Variants in VPS45 observed in about 807,000 individuals in gnomAD.
VPS45 encodes the protein vacuolar protein sorting-associated protein 45.
Under a neutral mutation model 75.9 loss-of-function variants are expected in VPS45, and 35 were observed. That is an observed-to-expected ratio of 0.46 (90% CI 0.35 to 0.61). The LOEUF (loss-of-function observed/expected upper bound fraction) is 0.61, where lower values mean the gene tolerates loss of function less well. Ranked by LOEUF, VPS45 falls within the 20% of genes least tolerant of loss-of-function variation. The probability of loss-of-function intolerance (pLI) is 0.00; values close to 1 mark genes in which losing one functional copy is unlikely to be tolerated. For missense variants in VPS45, 559 were observed against 685.9 expected (o/e 0.81, Z 2.07); for synonymous variants, 220 against 238.2 (o/e 0.92, Z 0.70).
At chr1:150,089,136 A>G (rs1656184980) in intron 10 of VPS45, among the ~76,000 whole-genome samples, 1 of 152,230 alleles carries the variant, frequency 6.6e-6, no homozygotes, top group South Asian at 2.1e-4. Flanking sequence ...AGAAAAGGGC[A>G]GAGACTGATT....
chr1:150,081,557 AG>A, intron 8 of VPS45, 81 bp downstream of exon 8: 2 of 1,474,250 alleles, frequency 1.4e-6, no homozygotes, highest in Non-Finnish European at 1.8e-6. Context: ...GTATAGGGGC[AG>A]GCATGGGATT....
At chr1:150,076,789 A>T (rs782280828) in intron 4 of VPS45, 127 bp from the exon 5 acceptor site, 147 of 950,620 alleles carry the variant, frequency 1.5e-4, no homozygotes, top group Non-Finnish European at 2.1e-4. Context: ...TAATTGAACA[A>T]TTTAGTATCT....
At chr1:150,092,943 C>T (rs1014903671) in intron 12 of VPS45, among the ~76,000 whole-genome samples, 22 of 131,152 alleles carry the variant, frequency 1.7e-4, no homozygotes, top group African/African-American at 5.1e-4. Context: ...CCGGGTTTTA[C>T]GCCATTCTCC....
At chr1:150,130,860 C>T (rs1158654676) in intron 14 of VPS45, among the ~76,000 whole-genome samples, 3 of 152,126 alleles carry the variant, frequency 2.0e-5, no homozygotes, top group Non-Finnish European at 4.4e-5. Flanking sequence ...TGGTTGACTT[C>T]ATTACATATA....
At chr1:150,072,518 A>G (rs1428219989) in intron 3 of VPS45, among the ~76,000 whole-genome samples, 2 of 152,058 alleles carry the variant, frequency 1.3e-5, no homozygotes, top group Admixed American at 6.6e-5. Context: ...TTAGCTGGGC[A>G]TGGTGGCACA....
chr1:150,134,096 G>A (rs1658959730), intron 14 of VPS45, among the ~76,000 whole-genome samples: 1 of 152,164 alleles, frequency 6.6e-6, no homozygotes, highest in Non-Finnish European at 1.5e-5. Context: ...GTAAGAAAGT[G>A]TCATAGGGTA....
chr1:150,093,233 C>T (rs587609618), intron 12 of VPS45, among the ~76,000 whole-genome samples: 34 of 152,108 alleles, frequency 2.2e-4, no homozygotes, highest in Non-Finnish European at 4.3e-4. Context: ...ATTTGCTCTA[C>T]CTATCATTTA....
intron 13 of VPS45, among the ~76,000 whole-genome samples, chr1:150,102,626 A>T (rs1657106039): frequency 6.6e-6 from 1 of 152,196 alleles, no homozygotes; most frequent in Non-Finnish European, 1.5e-5. Context: ...ATCAACCTAA[A>T]TGCCCACCAA....
chr1:150,073,087 T>G (rs1176207473), intron 3 of VPS45, among the ~76,000 whole-genome samples: 1 of 152,180 alleles, frequency 6.6e-6, no homozygotes, highest in Non-Finnish European at 1.5e-5. Flanking sequence ...TAAACTAGGT[T>G]TGTGTTTACT....
At position 150,082,628 on chromosome 1, in the gene VPS45, C is replaced by G. The variant is rs1396659995; in HGVS notation, c.937-88C>G. On this transcript the variant is annotated intron_variant, in intron 9 of 14. Transcript: ENST00000644510. ...TGCTTTAATCTGGGCTGAAAAACAA[C>G]CCCCGCTTTCCCCAACCCCCATTCA... The G allele has an allele frequency of 2.7e-6, 4 of 1,485,740 alleles. No individual in the cohort carries two copies. In the African/African-American group the frequency reaches 4.3e-5, roughly 16 times the overall value. The allele number at this position is 1,485,740 out of a possible 1,614,324, so 92.0% of individuals were successfully genotyped here. A position where few individuals can be genotyped will look rare whatever the true frequency, so the allele number is the denominator to read the frequency against.
intron 3 of VPS45, among the ~76,000 whole-genome samples, chr1:150,075,482 C>A (rs1553797873): frequency 1.3e-5 from 2 of 152,118 alleles, no homozygotes; most frequent in Non-Finnish European, 2.9e-5. Context: ...TGTGTGCTTT[C>A]ATTGGCTGCT....
chr1:150,107,796 G>T (rs587710122), intron 13 of VPS45, among the ~76,000 whole-genome samples: 2 of 152,188 alleles, frequency 1.3e-5, no homozygotes, highest in East Asian at 3.8e-4. Flanking sequence ...AGCTACTTAG[G>T]AGGCTGAGGC....
chr1:150,143,121 A>G (rs1553815742), intron 14 of VPS45, among the ~76,000 whole-genome samples: 1 of 152,166 alleles, frequency 6.6e-6, no homozygotes, highest in East Asian at 1.9e-4. Flanking sequence ...CTTGGCAACA[A>G]TTATACAGTG....
At chr1:150,093,795 AT>A in intron 13 of VPS45, 147 bp downstream of exon 13, 1 of 1,006,738 alleles carries the variant, frequency 9.9e-7, no homozygotes, top group Non-Finnish European at 1.4e-6. Context: ...ATATGTCAGC[AT>A]TAGATATGAA....
rs1324980818 is a variant in VPS45 at position 150,145,065 on chromosome 1, G to C, written c.*269G>C. The C allele has an allele frequency of 4.7e-6, 4 of 845,616 alleles. No individual in the cohort carries two copies. In the South Asian group the frequency reaches 7.1e-5, roughly 15 times the overall value. The allele number at this position is 845,616 out of a possible 1,614,324, so 52.4% of individuals were successfully genotyped here. On this transcript the variant is annotated 3_prime_UTR_variant, in exon 15 of 15. Transcript: ENST00000644510. ...TTCAGTTACTGATGAATTTTGTTGGGATCTGACTTGGGGAAAGGGTTATCA... is the reference window on the plus strand; with the variant it reads ...TTCAGTTACTGATGAATTTTGTTGGCATCTGACTTGGGGAAAGGGTTATCA...
intron 10 of VPS45, among the ~76,000 whole-genome samples, chr1:150,086,719 G>A (rs56212907): frequency 0.11 from 16,099 of 152,056 alleles, 1,196 homozygotes; most frequent in Non-Finnish European, 0.17. Flanking sequence ...TACTGGCTCC[G>A]ATGTATTTAC....
Position 150,081,453 on chromosome 1 carries a change from G to T in VPS45, c.799G>T (p.Glu267Ter). Residue 267 changes from glutamate to a stop codon, truncating the protein, a stop_gained, in exon 8 of 15, where the codon GAA (glutamate) becomes TAA (stop). Transcript: ENST00000644510. LOFTEE classifies it high-confidence loss of function. ...KDLREVVLSA[E>*]NDEFYANNMY... ...CTTAAGAGAAGTGGTCCTATCTGCT[G>T]AAAATGATGAATTCTATGCTAATGT... 6.3e-7 allele frequency: 1 copy of T among 1,598,994 alleles called. No individual in the cohort carries two copies. Among genetic ancestry groups the T allele is most frequent in the Admixed American group, 1.8e-5 (1 of 54,786 alleles).
At chr1:150,114,940 A>G (rs1384467843) in intron 14 of VPS45, among the ~76,000 whole-genome samples, 2 of 150,872 alleles carry the variant, frequency 1.3e-5, no homozygotes, top group Non-Finnish European at 3.0e-5. Context: ...TTTTTCAGCT[A>G]TTGTTCATTT....
At chr1:150,098,182 G>A (rs923319568) in intron 13 of VPS45, among the ~76,000 whole-genome samples, 1 of 152,146 alleles carries the variant, frequency 6.6e-6, no homozygotes, top group African/African-American at 2.4e-5. Context: ...TAATCAAGAA[G>A]TTGTTAATAG....
Sources: gnomAD v4.1 joint callset for allele counts (sites outside exome capture counted in the v4.1 genomes callset) on GRCh38, gnomAD v4.1.1 for gene constraint, MANE v1.5 for transcripts, NCBI Gene and HGNC (gene_info 2026-07-23, HGNC 2026-07-21) for gene names.